The following LRRTM4 variants were observed in gnomAD, a reference collection of about 807,000 sequenced individuals.
LRRTM4 encodes leucine-rich repeat transmembrane neuronal protein 4.
In LRRTM4, 25 loss-of-function variants were observed where a neutral mutation model predicts 47.6. That is an observed-to-expected ratio of 0.53 (90% confidence interval 0.38 to 0.73). The LOEUF (loss-of-function observed/expected upper bound fraction) is 0.73. Ranked by LOEUF, LRRTM4 falls within the 30% of genes least tolerant of loss-of-function variation. The pLI, the probability that LRRTM4 is intolerant of heterozygous loss-of-function variation, is 0.00. For synonymous variants in LRRTM4, 311 were observed against 269.5 expected (o/e 1.15, Z -1.51); for missense variants, 638 against 713.4 (o/e 0.89, Z 1.20).
intron 3 of LRRTM4, among the ~76,000 whole-genome samples, chr2:76,900,793 C>T (rs1203577515): frequency 1.3e-5 from 2 of 152,114 alleles, no homozygotes; most frequent in African/African-American, 4.8e-5. Context: ...GAACATTTAA[C>T]ATTATGGGAA....
At chr2:77,486,672 C>G (rs985295067) in intron 3 of LRRTM4, among the ~76,000 whole-genome samples, 1 of 152,058 alleles carries the variant, frequency 6.6e-6, no homozygotes, top group Admixed American at 6.6e-5. Flanking sequence ...AATATTTGAG[C>G]GAATCTAGGG....
chr2:76,966,473 C>T (rs542083321), intron 3 of LRRTM4, among the ~76,000 whole-genome samples: 1 of 151,550 alleles, frequency 6.6e-6, no homozygotes, highest in South Asian at 2.1e-4. Context: ...AATATTGAAT[C>T]CTTTTCAGAA....
Position 77,306,897 on chromosome 2 carries a change from A to ATTTTTTT in LRRTM4, c.1551+211414_1551+211420dup, listed in dbSNP as rs774697360. Reference sequence around the variant, plus strand: ...AAATAGCTATATACTGCTTTTCCATATTTTTTTTTTTTTTTTTTTTGAGAT... The same window carrying ATTTTTTT: ...AAATAGCTATATACTGCTTTTCCATATTTTTTTTTTTTTTTTTTTTTTTTTTTGAGAT... On this transcript the variant is annotated intron_variant, in intron 3 of 3. Transcript: ENST00000409884. Among the ~76,000 whole-genome samples the ATTTTTTT allele has an allele frequency of 1.1e-3, 120 of 112,404 alleles. 13 individuals are homozygous for ATTTTTTT. The East Asian group carries it at 0.013, about 12-fold the overall frequency. 73.7% of individuals were successfully genotyped at this position (112,404 alleles called of 152,430 possible). A position where few individuals can be genotyped will look rare whatever the true frequency, so the allele number is the denominator to read the frequency against.
intron 3 of LRRTM4, among the ~76,000 whole-genome samples, chr2:77,013,801 A>G (rs1342370373): frequency 2.0e-5 from 3 of 152,210 alleles, no homozygotes; most frequent in Non-Finnish European, 4.4e-5. Context: ...TAAGAGTTAT[A>G]TATTTACCCC....
intron 3 of LRRTM4, among the ~76,000 whole-genome samples, chr2:76,792,329 C>T (rs191935588): frequency 7.9e-5 from 12 of 151,956 alleles, no homozygotes; most frequent in African/African-American, 2.9e-4. Flanking sequence ...AGTTAAATAC[C>T]AACCCCCAGA....
rs570837381 is a variant in LRRTM4, at chr2:77,022,048, TG to T, written c.1552-273133del. Among the ~76,000 whole-genome samples the T allele has an allele frequency of 2.7e-3, 404 of 151,980 alleles. 1 individual carries two copies. Among genetic ancestry groups the T allele is most frequent in the African/African-American group, 9.5e-3 (395 of 41,464 alleles). On this transcript the variant is annotated intron_variant, in intron 3 of 3. Coordinates refer to ENST00000409884, the MANE Select transcript of LRRTM4 (RefSeq NM_001134745.3). ...CTGCTGATAAAGACATACCCGAGAC[TG>T]GGAAGAAAAAGAGGTTTAATTGGAC...
intron 3 of LRRTM4, among the ~76,000 whole-genome samples, chr2:76,812,673 C>CTCTTTCTTTCTTTCTTTCTTTCTTTT (rs1670768413): frequency 6.8e-6 from 1 of 147,818 alleles, no homozygotes; most frequent in Admixed American, 6.8e-5. Context: ...TACAAATAAG[C>CTCTTTCTTTCTTTCTTTCTTTCTTTT]TCTTTCTTTC....
chr2:77,281,160 T>C (rs1305913230), intron 3 of LRRTM4, among the ~76,000 whole-genome samples: 1 of 151,958 alleles, frequency 6.6e-6, no homozygotes, highest in African/African-American at 2.4e-5. Context: ...GGCTAAGATT[T>C]CCGAGTGCCC....
intron 3 of LRRTM4, among the ~76,000 whole-genome samples, chr2:77,025,876 T>A (rs1678436939): frequency 6.6e-6 from 1 of 152,168 alleles, no homozygotes; most frequent in South Asian, 2.1e-4. Flanking sequence ...GAGATCCTAG[T>A]TCAGTCAGTA....
At chr2:76,810,448 T>C (rs963585646) in intron 3 of LRRTM4, among the ~76,000 whole-genome samples, 2 of 152,172 alleles carry the variant, frequency 1.3e-5, no homozygotes, top group African/African-American at 2.4e-5. Flanking sequence ...TTATTTTTGC[T>C]CTTATGTTTT....
intron 3 of LRRTM4, among the ~76,000 whole-genome samples, chr2:77,302,741 A>G (rs1235537247): frequency 6.6e-6 from 1 of 152,122 alleles, no homozygotes; most frequent in Non-Finnish European, 1.5e-5. Context: ...TTTTGAGTGA[A>G]ACATCCACAC....
At chr2:76,749,007 C>A in intron 3 of LRRTM4, 91 bp from the exon 4 acceptor site, 2 of 1,003,168 alleles carry the variant, frequency 2.0e-6, no homozygotes, top group Non-Finnish European at 1.5e-6. Flanking sequence ...TGTTCTCTTT[C>A]ATGCTGTTTC....
intron 3 of LRRTM4, among the ~76,000 whole-genome samples, chr2:77,491,663 TATG>T (rs1349041044): frequency 6.6e-6 from 1 of 151,746 alleles, no homozygotes; most frequent in Non-Finnish European, 1.5e-5. Flanking sequence ...ATTAAAATTA[TATG>T]ATAATATATT....
At chr2:77,341,470 T>G (rs1671370717) in intron 3 of LRRTM4, among the ~76,000 whole-genome samples, 1 of 152,018 alleles carries the variant, frequency 6.6e-6, no homozygotes, top group Admixed American at 6.6e-5. Context: ...TCCCACATTA[T>G]TTCAGCTGCT....
At chr2:76,931,209 T>C (rs1223466147) in intron 3 of LRRTM4, among the ~76,000 whole-genome samples, 2 of 152,204 alleles carry the variant, frequency 1.3e-5, no homozygotes, top group Admixed American at 6.5e-5. Flanking sequence ...TGTTGATATA[T>C]CTGATTTCCA....
chr2:77,156,712 T>C (rs1404426272), intron 3 of LRRTM4, among the ~76,000 whole-genome samples: 3 of 151,236 alleles, frequency 2.0e-5, no homozygotes, highest in African/African-American at 7.3e-5. Flanking sequence ...TTCAACTTTT[T>C]TTTTTTTTTT....
intron 3 of LRRTM4, among the ~76,000 whole-genome samples, chr2:77,256,037 A>G (rs1008471701): frequency 1.1e-4 from 16 of 152,068 alleles, no homozygotes; most frequent in African/African-American, 3.9e-4. Flanking sequence ...CAGCCGAGAG[A>G]GACAGAGAGA....
At chr2:77,480,010 T>C (rs909883184) in intron 3 of LRRTM4, among the ~76,000 whole-genome samples, 1 of 152,204 alleles carries the variant, frequency 6.6e-6, no homozygotes, top group African/African-American at 2.4e-5. Context: ...CAGCCTAATT[T>C]GGCATGTGGT....
chr2:77,518,210 CA>C, intron 3 of LRRTM4, 107 bp downstream of exon 3: 1 of 1,377,876 alleles, frequency 7.3e-7, no homozygotes, highest in Non-Finnish European at 9.4e-7. Flanking sequence ...AACCCAAAAG[CA>C]AAAGGGTCAT....
Sources: gnomAD v4.1 joint callset for allele counts (sites outside exome capture counted in the v4.1 genomes callset) on GRCh38, gnomAD v4.1.1 for gene constraint, MANE v1.5 for transcripts, NCBI Gene and HGNC (gene_info 2026-07-23, HGNC 2026-07-21) for gene names.